The following AMD1 variants were observed in gnomAD, a reference collection of about 807,000 sequenced individuals.
AMD1 encodes S-adenosylmethionine decarboxylase proenzyme.
In AMD1, 11 loss-of-function variants were observed where a neutral mutation model predicts 40.2. The observed-to-expected ratio is 0.27, with a 90% CI of 0.17 to 0.45. The LOEUF is 0.45. Ranked by LOEUF, AMD1 falls within the 20% of genes least tolerant of loss-of-function variation. The pLI is 1.00. For synonymous variants in AMD1, 121 were observed against 130.8 expected, an observed-to-expected ratio of 0.93 and a Z score of 0.51; for missense variants, 257 against 410.2, an observed-to-expected ratio of 0.63 and a Z score of 3.23.
chr6:110,875,236 C>A, intron 1 of AMD1, 21 bp downstream of exon 1: 1 of 1,572,452 alleles, frequency 6.4e-7, no homozygotes, highest in Non-Finnish European at 8.7e-7. Context: ...GGGGCGCTCG[C>A]TGACATCCGG....
chr6:110,890,597 C>A (rs920461144), intron 4 of AMD1, among the ~76,000 whole-genome samples: 1 of 152,068 alleles, frequency 6.6e-6, no homozygotes, highest in Non-Finnish European at 1.5e-5. Context: ...GTGATCCTCC[C>A]ACCTTAGCCT....
At chr6:110,862,647 A>G in the AMD1 span, among the ~76,000 whole-genome samples, 2 of 150,764 alleles carry the variant, frequency 1.3e-5, no homozygotes, top group East Asian at 4.0e-4. Flanking sequence ...TTGTATTTTT[A>G]GTAGAGATGG....
the AMD1 span, among the ~76,000 whole-genome samples, chr6:110,833,356 A>G: frequency 8.5e-5 from 13 of 152,310 alleles, no homozygotes; most frequent in African/African-American, 3.1e-4. Flanking sequence ...AGTTTTGATG[A>G]TGCAAATACA....
At position 110,875,188 on chromosome 6, in the gene AMD1, G is replaced by C. The variant is rs1356386825; in HGVS notation, c.83G>C (p.Gly28Ala). ...FSRQQPDANQ[G>A]SGDLRTIPRS... ...CGGCAGCAGCCCGACGCAAACCAAG[G>C]ATCTGGGGATCTTCGCACTATCCCA... The change falls in exon 1 of 9, where the codon GGA becomes GCA. Residue 28 changes from glycine (G) to alanine (A), a missense_variant. Physicochemically the swap from Gly to Ala is moderately conservative, Grantham distance 60 (BLOSUM62 0). Around this residue, in one of 3 missense-constraint regions of AMD1, gnomAD observed 57 missense variants for 76.8 expected, o/e 0.74. Transcript: ENST00000368885. 1 of 1,612,392 alleles carries C rather than the reference G, an allele frequency of 6.2e-7. No individual in the cohort carries two copies. The highest frequency in any genetic ancestry group is 8.5e-7 in the Non-Finnish European group (1 of 1,179,280).
At chr6:110,829,788 G>A in the AMD1 span, among the ~76,000 whole-genome samples, 5 of 152,152 alleles carry the variant, frequency 3.3e-5, no homozygotes, top group South Asian at 1.0e-3. Context: ...TGAGGCTACG[G>A]TGAGTCATGA....
Position 110,895,518 on chromosome 6 carries a change from A to C in AMD1, c.*1902A>C, listed in dbSNP as rs565494781. ...AATTCTAATGTTGAAAAACTGCACA[A>C]ATTTTTATGGGACAAAGCCTAGAAA... On this transcript the variant is annotated 3_prime_UTR_variant, in exon 9 of 9. Coordinates refer to ENST00000368885, the MANE Select transcript of AMD1 (RefSeq NM_001634.6). 1 of 152,574 alleles carries C rather than the reference A, an allele frequency of 6.6e-6. No individual in the cohort carries two copies. Among genetic ancestry groups the C allele is most frequent in the Non-Finnish European group, 1.5e-5 (1 of 68,032 alleles). The allele number at this position is 152,574 out of a possible 1,614,324, so 9.5% of individuals were successfully genotyped here.
the AMD1 span, among the ~76,000 whole-genome samples, chr6:110,828,833 C>A: frequency 6.6e-6 from 1 of 152,158 alleles, no homozygotes; most frequent in African/African-American, 2.4e-5. Context: ...TCTTCTCTTA[C>A]CTCCCCTCAA....
At chr6:110,835,872 C>T in the AMD1 span, among the ~76,000 whole-genome samples, 2 of 150,874 alleles carry the variant, frequency 1.3e-5, no homozygotes, top group Non-Finnish European at 3.0e-5. Context: ...TCCCCCCACC[C>T]CACCCCCCAA....
the AMD1 span, among the ~76,000 whole-genome samples, chr6:110,821,571 G>C: frequency 1.3e-5 from 2 of 152,068 alleles, no homozygotes; most frequent in Non-Finnish European, 2.9e-5. Flanking sequence ...CCAAGATCAT[G>C]CCGTTGCACT....
At chr6:110,843,565 T>TA in the AMD1 span, among the ~76,000 whole-genome samples, 3 of 152,126 alleles carry the variant, frequency 2.0e-5, no homozygotes, top group East Asian at 5.8e-4. Context: ...ATACAGAATA[T>TA]AAAATAAATA....
At chr6:110,858,433 C>A in the AMD1 span, 4 of 962,956 alleles carry the variant, frequency 4.2e-6, no homozygotes, top group South Asian at 1.3e-5. Flanking sequence ...CACTCATGAA[C>A]AAGCTACAGC....
At chr6:110,816,883 G>C in the AMD1 span, among the ~76,000 whole-genome samples, 1 of 152,208 alleles carries the variant, frequency 6.6e-6, no homozygotes, top group Middle Eastern at 3.4e-3. Flanking sequence ...CCACCATGCC[G>C]GGCCCCACTT....
At chr6:110,875,267 GC>G in intron 1 of AMD1, 52 bp downstream of exon 1, 2 of 1,419,638 alleles carry the variant, frequency 1.4e-6, no homozygotes, top group Middle Eastern at 1.7e-4. Flanking sequence ...TGTCGCCGCC[GC>G]CGAGGCACCA....
At chr6:110,849,854 T>C in the AMD1 span, among the ~76,000 whole-genome samples, 1 of 151,930 alleles carries the variant, frequency 6.6e-6, no homozygotes, top group Non-Finnish European at 1.5e-5. Flanking sequence ...ACCCTATCTC[T>C]ACAAAAAATT....
At chr6:110,886,148 G>T (rs1191943937) in intron 1 of AMD1, among the ~76,000 whole-genome samples, 1 of 151,262 alleles carries the variant, frequency 6.6e-6, no homozygotes, top group Non-Finnish European at 1.5e-5. Flanking sequence ...CCAGCTGCTT[G>T]GGAGGTGGAG....
chr6:110,879,235 C>T (rs1785274844), intron 1 of AMD1, among the ~76,000 whole-genome samples: 1 of 152,146 alleles, frequency 6.6e-6, no homozygotes, highest in African/African-American at 2.4e-5. Context: ...GTCTGCATCC[C>T]AGCCACTCGG....
At chr6:110,843,761 G>T in the AMD1 span, among the ~76,000 whole-genome samples, 1 of 151,576 alleles carries the variant, frequency 6.6e-6, no homozygotes, top group East Asian at 2.0e-4. Context: ...AATTTTTGTA[G>T]TTTTTTTTGT....
At chr6:110,873,867 G>T (rs1424834268), upstream of AMD1, among the ~76,000 whole-genome samples, 1 of 152,216 alleles carries the variant, frequency 6.6e-6, no homozygotes, top group African/African-American at 2.4e-5. Flanking sequence ...ATTTTGGGGG[G>T]TAAGGAGAAC....
the AMD1 span, among the ~76,000 whole-genome samples, chr6:110,853,314 T>G: frequency 8.8e-5 from 8 of 90,538 alleles, no homozygotes; most frequent in East Asian, 0.012. Flanking sequence ...GGTTTTTTGT[T>G]TTTTTTTTTT....
Sources: allele counts gnomAD v4.1 joint callset (sites outside exome capture counted in the v4.1 genomes callset), GRCh38; gene constraint gnomAD v4.1.1; regional missense constraint gnomAD v4.1.1; transcripts MANE v1.5; gene names NCBI Gene and HGNC (gene_info 2026-07-23, HGNC 2026-07-21).